The following TET3 variants were observed in gnomAD, a reference collection of about 807,000 sequenced individuals.
TET3 encodes tet methylcytosine dioxygenase 3.
A neutral mutation model predicts 141.4 loss-of-function variants in TET3; 19 were observed. The ratio of observed to expected loss-of-function variants is 0.13; its 90% CI spans 0.09 to 0.20. The LOEUF is 0.20. TET3 is among the 10% of genes least tolerant of loss of function. The pLI is 1.00. For synonymous variants in TET3, 1,043 were observed against 980.9 expected, an observed-to-expected ratio of 1.06 and a Z score of -1.18; for missense variants, 1,874 against 2,356.9, an observed-to-expected ratio of 0.80 and a Z score of 4.24.
the TET3 span, among the ~76,000 whole-genome samples, chr2:74,123,449 T>C: frequency 6.6e-6 from 1 of 152,202 alleles, no homozygotes; most frequent in Non-Finnish European, 1.5e-5. Flanking sequence ...AAACCCTGTC[T>C]CTACTAAAAA....
intron 2 of TET3, among the ~76,000 whole-genome samples, chr2:73,989,503 CT>C (rs1034522309): frequency 1.3e-5 from 2 of 152,164 alleles, no homozygotes; most frequent in Admixed American, 1.3e-4. Flanking sequence ...TTTCCATCTT[CT>C]TTCCCTGCTC....
At chr2:74,094,829 A>G (rs942547343) in intron 10 of TET3, among the ~76,000 whole-genome samples, 2 of 152,108 alleles carry the variant, frequency 1.3e-5, no homozygotes, top group African/African-American at 4.8e-5. Context: ...TGTAAGTAAC[A>G]GGGGAAGGCT....
At chr2:74,030,420 A>G (rs1319198685) in intron 3 of TET3, among the ~76,000 whole-genome samples, 2 of 152,138 alleles carry the variant, frequency 1.3e-5, no homozygotes, top group African/African-American at 2.4e-5. Context: ...GTTGAATTGT[A>G]TCATAGTTTA....
At position 74,093,253 on chromosome 2, in the gene TET3, G is replaced by T. The variant is rs867907261; in HGVS notation, c.3129+262G>T. ...CACCTCCTCTGGTCTGGTATCCACT[G>T]GTGAGGCCCGAGTTTCTCTCACCTG... On this transcript the variant is annotated intron_variant, in intron 9 of 11. Transcript: ENST00000409262. The surrounding 1 kb of genome is among the most constrained non-coding windows in gnomAD (Gnocchi z 4.2). 1.3e-5 allele frequency among the ~76,000 whole-genome samples: 2 copies of T among 152,150 alleles called. No homozygotes were observed. Among genetic ancestry groups the T allele is most frequent in the African/African-American group, 2.4e-5 (1 of 41,416 alleles).
chr2:73,995,674 G>A (rs1034482681), intron 2 of TET3, among the ~76,000 whole-genome samples: 7 of 152,064 alleles, frequency 4.6e-5, no homozygotes, highest in East Asian at 1.9e-4. Flanking sequence ...TGTATTGGAC[G>A]GTGCAGATAG....
At chr2:74,044,534 G>A (rs1687512603) in intron 3 of TET3, among the ~76,000 whole-genome samples, 1 of 152,154 alleles carries the variant, frequency 6.6e-6, no homozygotes, top group African/African-American at 2.4e-5. Context: ...GACATGATGG[G>A]TTGCTAAAAC....
At chr2:74,124,400 C>T in the TET3 span, among the ~76,000 whole-genome samples, 9 of 151,786 alleles carry the variant, frequency 5.9e-5, 1 homozygote, top group African/African-American at 9.7e-5. Context: ...AGGTGGGGGG[C>T]GCCTCTGCCC....
chr2:74,053,433 G>C (rs79222673), intron 4 of TET3, among the ~76,000 whole-genome samples: 1,920 of 152,298 alleles, frequency 0.013, 42 homozygotes, highest in African/African-American at 0.044. Context: ...TGCTCATCTA[G>C]TCACCATCTT....
At chr2:74,122,289 T>C in the TET3 span, 1 of 151,212 alleles carries the variant, frequency 6.6e-6, no homozygotes, top group Non-Finnish European at 1.5e-5. Flanking sequence ...GCTCACACAA[T>C]CAAGTGAACA....
intron 10 of TET3, among the ~76,000 whole-genome samples, chr2:74,098,141 A>C (rs1690955764): frequency 6.6e-6 from 1 of 152,226 alleles, no homozygotes; most frequent in African/African-American, 2.4e-5. Flanking sequence ...AAACCGAATC[A>C]TTTTTGAGGG....
intron 4 of TET3, among the ~76,000 whole-genome samples, chr2:74,070,245 C>T (rs775625163): frequency 7.2e-5 from 11 of 152,176 alleles, no homozygotes; most frequent in Non-Finnish European, 1.3e-4. Context: ...AATGGACTCA[C>T]AGTTCCACGT....
At chr2:74,132,938 T>C in the TET3 span, among the ~76,000 whole-genome samples, 6 of 152,032 alleles carry the variant, frequency 3.9e-5, no homozygotes, top group Admixed American at 3.3e-4. Context: ...GGCTCTGTCA[T>C]CCAGGCTGGA....
At chr2:74,097,858 G>A (rs369118485) in intron 10 of TET3, among the ~76,000 whole-genome samples, 9 of 152,260 alleles carry the variant, frequency 5.9e-5, no homozygotes, top group Admixed American at 2.6e-4. Context: ...AGGCACACTC[G>A]CAGGGAGCCA....
Position 74,093,014 on chromosome 2 carries a change from C to G in TET3, c.3129+23C>G. The G allele has an allele frequency of 6.5e-7, 1 of 1,550,362 alleles. No individual in the cohort carries two copies. Among genetic ancestry groups the G allele is most frequent in the Non-Finnish European group, 8.7e-7 (1 of 1,144,632 alleles). On this transcript the variant is annotated intron_variant, in intron 9 of 11. Coordinates refer to ENST00000409262, the MANE Select transcript of TET3 (RefSeq NM_001287491.2). The surrounding 1 kb of genome is among the most constrained non-coding windows in gnomAD (Gnocchi z 4.2). ...CAGGTAACGGGCCCTGGGCCTTTTG[C>G]TGCCCACATGTCACCGTCCACATCT... is the stretch of plus-strand genomic sequence containing the variant.
chr2:74,084,370 G>A (rs1001136270), intron 6 of TET3, among the ~76,000 whole-genome samples: 3 of 152,128 alleles, frequency 2.0e-5, no homozygotes, highest in Admixed American at 6.5e-5. Flanking sequence ...GCTCACGCCT[G>A]TAATCCCAGC....
In TET3 at chr2:74,093,693, A is replaced by T. The variant is rs779763536; in HGVS notation, c.3267+27A>T. On this transcript the variant is annotated intron_variant, in intron 10 of 11. Transcript: ENST00000409262. This position sits in a 1 kb window ranked among gnomAD's most constrained non-coding sequence, Gnocchi z 4.2. ...TAAGCCTGTGCCCTGTCATAGCCCC[A>T]CCTGTGGGGCAACTGTGGGAGGGAG... 1 of 1,541,964 alleles carries T rather than the reference A, an allele frequency of 6.5e-7. No individual in the cohort carries two copies. Among genetic ancestry groups the T allele is most frequent in the East Asian group, 2.4e-5 (1 of 41,666 alleles).
chr2:73,990,230 T>A (rs888701752), intron 2 of TET3, among the ~76,000 whole-genome samples: 14 of 128,998 alleles, frequency 1.1e-4, no homozygotes, highest in African/African-American at 3.2e-4. Context: ...AAAAAAAAAA[T>A]TAGCCAGGCA....
intron 4 of TET3, among the ~76,000 whole-genome samples, chr2:74,071,854 C>T (rs1165229736): frequency 6.6e-6 from 1 of 152,210 alleles, no homozygotes; most frequent in African/African-American, 2.4e-5. Context: ...CCTTTTGGGT[C>T]TGTTTTCTTT....
At chr2:74,079,705 C>T (rs542609806) in intron 5 of TET3, among the ~76,000 whole-genome samples, 41 of 152,260 alleles carry the variant, frequency 2.7e-4, no homozygotes, top group Admixed American at 2.3e-3. Context: ...AGTAATTTGG[C>T]CACAGTTATA....
Sources: allele counts gnomAD v4.1 joint callset (sites outside exome capture counted in the v4.1 genomes callset), GRCh38; gene constraint gnomAD v4.1.1; non-coding constraint Gnocchi (gnomAD v3.1); transcripts MANE v1.5; gene names NCBI Gene and HGNC (gene_info 2026-07-23, HGNC 2026-07-21).